MACROD2: variants seen among roughly 807,000 people sequenced by gnomAD.
MACROD2 encodes the protein ADP-ribose glycohydrolase MACROD2.
MACROD2 carries 36 observed loss-of-function variants against 70.4 expected under a neutral mutation model. The observed-to-expected ratio is 0.51, with a 90% CI of 0.39 to 0.68. The LOEUF is 0.68. Among genes scored for constraint, MACROD2 ranks in the 30% least tolerant of loss-of-function variants. The pLI is 0.00. For synonymous variants in MACROD2, 172 were observed against 178.8 expected (o/e 0.96, Z 0.30); for missense variants, 496 against 538.4 (o/e 0.92, Z 0.78).
At chr20:15,924,158 T>C (rs932245738) in intron 10 of MACROD2, among the ~76,000 whole-genome samples, 1 of 152,252 alleles carries the variant, frequency 6.6e-6, no homozygotes, top group Non-Finnish European at 1.5e-5. Flanking sequence ...CTACTTGAAA[T>C]AGCATGTCTC....
chr20:14,563,814 C>T (rs530679419), intron 4 of MACROD2, among the ~76,000 whole-genome samples: 87 of 152,026 alleles, frequency 5.7e-4, no homozygotes, highest in Non-Finnish European at 1.1e-3. Context: ...TATCAAATTA[C>T]CAACATCGTT....
At chr20:14,401,435 T>G (rs2083637050) in intron 3 of MACROD2, among the ~76,000 whole-genome samples, 1 of 152,208 alleles carries the variant, frequency 6.6e-6, no homozygotes, top group African/African-American at 2.4e-5. Context: ...GTATGCTTTC[T>G]TTACTGCCTG....
intron 4 of MACROD2, among the ~76,000 whole-genome samples, chr20:14,529,649 C>T (rs1692165574): frequency 6.6e-6 from 1 of 152,134 alleles, no homozygotes; most frequent in Non-Finnish European, 1.5e-5. Context: ...CAAGACTGAT[C>T]AAGGTTTATT....
chr20:15,755,305 T>C (rs959050998), intron 8 of MACROD2, among the ~76,000 whole-genome samples: 1 of 152,208 alleles, frequency 6.6e-6, no homozygotes, highest in Non-Finnish European at 1.5e-5. Context: ...TGGGTTGCCA[T>C]GAGTCCTGAG....
intron 7 of MACROD2, among the ~76,000 whole-genome samples, chr20:15,499,245 A>G (rs73254790): frequency 1.4e-3 from 218 of 152,316 alleles, no homozygotes; most frequent in African/African-American, 4.8e-3. Flanking sequence ...CTCAATTCCA[A>G]GCATCACCTC....
intron 5 of MACROD2, among the ~76,000 whole-genome samples, chr20:14,861,550 A>T (rs1360306180): frequency 6.6e-6 from 1 of 151,964 alleles, no homozygotes; most frequent in Non-Finnish European, 1.5e-5. Flanking sequence ...CCAGACTATG[A>T]GGGAGCTGGG....
intron 2 of MACROD2, among the ~76,000 whole-genome samples, chr20:14,013,807 C>T (rs1455134109): frequency 4.0e-5 from 6 of 151,448 alleles, no homozygotes; most frequent in Admixed American, 2.0e-4. Context: ...CTCAGCCTCC[C>T]GAGTCGCTGG....
chr20:14,844,636 T>A (rs2073121084), intron 5 of MACROD2, among the ~76,000 whole-genome samples: 1 of 152,234 alleles, frequency 6.6e-6, no homozygotes, highest in Middle Eastern at 3.4e-3. Context: ...TACTTTAGTA[T>A]AAACTCAGAT....
chr20:15,236,028 A>ACAAG, intron 6 of MACROD2, among the ~76,000 whole-genome samples: 1 of 152,248 alleles, frequency 6.6e-6, no homozygotes, highest in Non-Finnish European at 1.5e-5. Flanking sequence ...AATACTATTA[A>ACAAG]TAAGTAACAA....
chr20:15,446,112 C>G (rs539317115), intron 7 of MACROD2, among the ~76,000 whole-genome samples: 37 of 152,200 alleles, frequency 2.4e-4, no homozygotes, highest in Non-Finnish European at 4.7e-4. Context: ...AATACTTTCT[C>G]TAGGTCCCCA....
intron 3 of MACROD2, among the ~76,000 whole-genome samples, chr20:14,258,724 C>T (rs2082077883): frequency 6.6e-6 from 1 of 152,006 alleles, no homozygotes; most frequent in Admixed American, 6.6e-5. Context: ...AATTAGGTCC[C>T]ATCGATTCAT....
chr20:13,995,914 G>C lies in MACROD2; in HGVS notation c.46+105G>C, dbSNP rs2052633874. ...CGCCCTCCGCCCGAGCTCCCGCCTC[G>C]CGCCCTCCCGGCCGGTGCCGCCTCC... On this transcript the variant is annotated intron_variant, in intron 1 of 17. Transcript: ENST00000684519. This position sits in a 1 kb window ranked among gnomAD's most constrained non-coding sequence, Gnocchi z 4.3. The C allele has an allele frequency of 7.4e-7, 1 of 1,353,458 alleles. No individual in the cohort carries two copies. 83.8% of individuals were successfully genotyped at this position (1,353,458 alleles called of 1,614,324 possible). A position where few individuals can be genotyped will look rare whatever the true frequency, so the allele number is the denominator to read the frequency against.
At chr20:15,118,195 A>ATTTTT (rs140809606) in intron 5 of MACROD2, among the ~76,000 whole-genome samples, 1 of 113,864 alleles carries the variant, frequency 8.8e-6, no homozygotes, top group African/African-American at 2.7e-5. Flanking sequence ...TTTAATTTTA[A>ATTTTT]ATTTTTTTTT....
intron 5 of MACROD2, among the ~76,000 whole-genome samples, chr20:15,007,556 T>C (rs75688772): frequency 0.023 from 3,440 of 152,226 alleles, 135 homozygotes; most frequent in African/African-American, 0.077. Context: ...AGGGTTCAGG[T>C]GCAGGAAACA....
At chr20:15,543,062 A>G (rs1260876386) in intron 8 of MACROD2, among the ~76,000 whole-genome samples, 1 of 152,186 alleles carries the variant, frequency 6.6e-6, no homozygotes, top group Admixed American at 6.5e-5. Flanking sequence ...ACATTTTTTT[A>G]ATCTCTTGAG....
intron 3 of MACROD2, among the ~76,000 whole-genome samples, chr20:14,104,417 C>T (rs1433471718): frequency 1.3e-5 from 2 of 152,188 alleles, no homozygotes; most frequent in Non-Finnish European, 2.9e-5. Context: ...TTCAATGTCA[C>T]TGCTTCTCCT....
chr20:14,480,587 T>C (rs1043830261), intron 3 of MACROD2, among the ~76,000 whole-genome samples: 8 of 152,196 alleles, frequency 5.3e-5, no homozygotes, highest in Non-Finnish European at 1.2e-4. Flanking sequence ...AGTAATCAGC[T>C]TCTCACCAAT....
At chr20:14,290,284 A>G (rs1601440256) in intron 3 of MACROD2, among the ~76,000 whole-genome samples, 2 of 152,224 alleles carry the variant, frequency 1.3e-5, no homozygotes, top group African/African-American at 4.8e-5. Flanking sequence ...AGTTAAAAAA[A>G]TTAAAAGATA....
intron 15 of MACROD2, among the ~76,000 whole-genome samples, chr20:16,039,574 T>G (rs954479112): frequency 2.8e-4 from 42 of 152,144 alleles, no homozygotes; most frequent in African/African-American, 1.0e-3. Context: ...TCAAATATTT[T>G]GTTCTTGCTC....
Sources: allele counts gnomAD v4.1 joint callset (sites outside exome capture counted in the v4.1 genomes callset), GRCh38; gene constraint gnomAD v4.1.1; non-coding constraint Gnocchi (gnomAD v3.1); transcripts MANE v1.5; gene names NCBI Gene and HGNC (gene_info 2026-07-23, HGNC 2026-07-21).